TEX264: variants seen among roughly 807,000 people sequenced by gnomAD.
TEX264 encodes the protein testis-expressed protein 264.
In TEX264, 13 loss-of-function variants were observed where a neutral mutation model predicts 23.4. The observed-to-expected ratio is 0.56, with a 90% CI of 0.36 to 0.88. The LOEUF is 0.88. Among genes scored for constraint, TEX264 ranks in the 40% least tolerant of loss-of-function variants. The pLI is 0.01. For synonymous variants in TEX264, 159 were observed against 170.0 expected, an observed-to-expected ratio of 0.94 and a Z score of 0.50; for missense variants, 340 against 406.8, an observed-to-expected ratio of 0.84 and a Z score of 1.41.
intron 3 of TEX264, among the ~76,000 whole-genome samples, chr3:51,695,205 G>T (rs1033451521): frequency 6.6e-6 from 1 of 152,276 alleles, no homozygotes; most frequent in Non-Finnish European, 1.5e-5. Flanking sequence ...CAGAAGGATA[G>T]ATAGGACTGG....
intron 2 of TEX264, among the ~76,000 whole-genome samples, chr3:51,679,766 C>T (rs1228436922): frequency 6.6e-6 from 1 of 152,126 alleles, no homozygotes; most frequent in African/African-American, 2.4e-5. Context: ...GAGGAAGGTT[C>T]CTGAAAGGTT....
chr3:51,694,172 C>G (rs980382611), intron 3 of TEX264, among the ~76,000 whole-genome samples: 1 of 148,620 alleles, frequency 6.7e-6, no homozygotes, highest in African/African-American at 2.5e-5. Context: ...TGCTCTGTTG[C>G]CCGGGCTGGA....
At chr3:51,681,019 A>G (rs575859677) in intron 2 of TEX264, among the ~76,000 whole-genome samples, 5 of 152,250 alleles carry the variant, frequency 3.3e-5, no homozygotes, top group South Asian at 4.1e-4. Context: ...CCCAGCTTCA[A>G]CTTTGCATGG....
At position 51,704,085 on chromosome 3, in the gene TEX264, G is replaced by T. The variant is rs2518461; in HGVS notation, c.*69G>T. On this transcript the variant is annotated 3_prime_UTR_variant, in exon 5 of 5. Transcript: ENST00000341333. The stretch of plus-strand genomic sequence containing the variant: ...AGCAGACTCTCCAGCAGACTCTCCA[G>T]CCCTCTTCCTCCTTCCTCTGGGGGA... 3 of 1,301,768 alleles carry T rather than the reference G, an allele frequency of 2.3e-6. No homozygotes were observed. The highest frequency in any genetic ancestry group is 3.0e-5 in the African/African-American group (2 of 67,576). The allele number at this position is 1,301,768 out of a possible 1,614,324, so 80.6% of individuals were successfully genotyped here.
chr3:51,700,936 G>C (rs1703276051), intron 4 of TEX264, among the ~76,000 whole-genome samples: 1 of 152,174 alleles, frequency 6.6e-6, no homozygotes, highest in Non-Finnish European at 1.5e-5. Context: ...TGACACAGCA[G>C]TTGGTGGTGG....
At chr3:51,684,130 G>A (rs1702526246) in intron 2 of TEX264, 5 of 448,156 alleles carry the variant, frequency 1.1e-5, no homozygotes, top group African/African-American at 2.0e-5. Context: ...CCTCCAGAAG[G>A]GCAGAGACCA....
In TEX264 at chr3:51,701,192, G is replaced by A. The variant is rs553945090; in HGVS notation, c.649+1618G>A. On this transcript the variant is annotated intron_variant, in intron 4 of 4. Transcript: ENST00000341333. ...CTTCAAGTCCCCTGCCCCAGTAGTC[G>A]TGGGGATTTAGGTAGGGCCCTGCCT... 1.1e-4 allele frequency among the ~76,000 whole-genome samples: 17 copies of A among 152,310 alleles called. No individual in the cohort carries two copies. The East Asian group carries it at 2.5e-3, about 22-fold the overall frequency.
rs887007532 is a variant in TEX264 at position 51,703,279 on chromosome 3, T to C, written c.650-445T>C. ...TCCTCGTGCCCTGTGGGTGATGTTC[T>C]GTAGCTGGCCCTGGACACATCTCTT... On this transcript the variant is annotated intron_variant, in intron 4 of 4. Coordinates refer to ENST00000341333, the MANE Select transcript of TEX264 (RefSeq NM_015926.6). This position sits in a 1 kb window ranked among gnomAD's most constrained non-coding sequence, Gnocchi z 4.8. 1.3e-5 allele frequency among the ~76,000 whole-genome samples: 2 copies of C among 152,158 alleles called. No homozygotes were observed.
intron 3 of TEX264, among the ~76,000 whole-genome samples, chr3:51,685,830 C>T (rs1349986070): frequency 2.0e-5 from 3 of 152,124 alleles, no homozygotes; most frequent in Admixed American, 6.5e-5. Context: ...TTGGGCAGGC[C>T]CAGCGGCTAT....
At chr3:51,681,781 G>C (rs1702437524) in intron 2 of TEX264, 1 of 152,252 alleles carries the variant, frequency 6.6e-6, no homozygotes, top group African/African-American at 2.4e-5. Context: ...TCTGGCCCCT[G>C]CTGGGGCCTG....
At chr3:51,672,652 T>C (rs1400998974) in intron 1 of TEX264, among the ~76,000 whole-genome samples, 1 of 152,116 alleles carries the variant, frequency 6.6e-6, no homozygotes, top group Non-Finnish European at 1.5e-5. Context: ...AAAGTGGAAA[T>C]GAGGGGCTGG....
chr3:51,700,641 T>C (rs1355266273), intron 4 of TEX264, among the ~76,000 whole-genome samples: 1 of 152,040 alleles, frequency 6.6e-6, no homozygotes, highest in Non-Finnish European at 1.5e-5. Flanking sequence ...GCCTTCACTT[T>C]ACTGTGACCT....
chr3:51,703,982 G>C lies in TEX264; in HGVS notation c.908G>C (p.Trp303Ser). The C allele has an allele frequency of 6.4e-7, 1 of 1,552,470 alleles. No homozygotes were observed. The highest frequency in any genetic ancestry group is 8.7e-7 in the Non-Finnish European group (1 of 1,146,054). ...TEPLGTTKWL[W>S]EPTAPEKGKE ...CCCCTGGGGACTACCAAGTGGCTCT[G>C]GGAGCCCACTGCCCCTGAGAAGGGC... The change falls in exon 5 of 5, where the codon TGG becomes TCG. Residue 303 changes from tryptophan (W) to serine (S), a missense_variant. By Grantham distance (177) the Trp-to-Ser change is radical. Transcript: ENST00000341333. The surrounding 1 kb of genome is among the most constrained non-coding windows in gnomAD (Gnocchi z 4.8).
intron 3 of TEX264, among the ~76,000 whole-genome samples, chr3:51,696,150 G>A (rs1247450892): frequency 6.6e-6 from 1 of 152,232 alleles, no homozygotes; most frequent in South Asian, 2.1e-4. Flanking sequence ...GCTCTGGGCT[G>A]TGGGTTTGTT....
chr3:51,680,825 C>T (rs1045945637), intron 2 of TEX264, among the ~76,000 whole-genome samples: 1 of 152,224 alleles, frequency 6.6e-6, no homozygotes, highest in Non-Finnish European at 1.5e-5. Context: ...GTCTCTTGCC[C>T]ATCAGGACAT....
intron 2 of TEX264, 58 bp from the exon 3 acceptor site, chr3:51,684,352 AAGG>A (rs932346141): frequency 7.7e-5 from 115 of 1,493,582 alleles, no homozygotes; most frequent in Non-Finnish European, 9.0e-5. Context: ...TCCCAGGAGG[AAGG>A]AGGTCTGAGG....
At chr3:51,693,702 A>G (rs938021671) in intron 3 of TEX264, among the ~76,000 whole-genome samples, 2 of 151,030 alleles carry the variant, frequency 1.3e-5, no homozygotes, top group African/African-American at 4.9e-5. Flanking sequence ...CTGGTCTCGA[A>G]CTCCTGACCC....
At chr3:51,688,399 G>A (rs1289440903) in intron 3 of TEX264, among the ~76,000 whole-genome samples, 1 of 152,232 alleles carries the variant, frequency 6.6e-6, no homozygotes. Flanking sequence ...GTGGGATTGT[G>A]TGTGTAAGGT....
chr3:51,677,325 C>G (rs1702263889), intron 2 of TEX264, among the ~76,000 whole-genome samples: 3 of 152,194 alleles, frequency 2.0e-5, no homozygotes, highest in African/African-American at 7.2e-5. Context: ...AGGCCCCATC[C>G]TGGTCCTGGA....
Sources: gnomAD v4.1 joint callset for allele counts (sites outside exome capture counted in the v4.1 genomes callset) on GRCh38, gnomAD v4.1.1 for gene constraint, Gnocchi (gnomAD v3.1) non-coding constraint, MANE v1.5 for transcripts, NCBI Gene and HGNC (gene_info 2026-07-23, HGNC 2026-07-21) for gene names.